SDK2: variants seen among roughly 807,000 people sequenced by gnomAD.
The protein encoded by SDK2 is protein sidekick-2.
SDK2 carries 105 observed loss-of-function variants against 253.9 expected under a neutral mutation model. The observed-to-expected ratio is 0.41, with a 90% CI of 0.35 to 0.49. The LOEUF (loss-of-function observed/expected upper bound fraction) is 0.49, where lower values mean the gene tolerates loss of function less well. Ranked by LOEUF, SDK2 falls within the 20% of genes least tolerant of loss-of-function variation. The pLI is 0.06. For missense variants in SDK2, 2,608 were observed against 3,003.0 expected, an observed-to-expected ratio of 0.87 and a Z score of 3.07; for synonymous variants, 1,249 against 1,234.9, an observed-to-expected ratio of 1.01 and a Z score of -0.24.
intron 1 of SDK2, among the ~76,000 whole-genome samples, chr17:73,582,957 G>A (rs548026747): frequency 2.9e-4 from 44 of 152,202 alleles, no homozygotes; most frequent in Non-Finnish European, 4.7e-4. Flanking sequence ...ACCCTCTAAC[G>A]TGGCAAGTGC....
intron 44 of SDK2, among the ~76,000 whole-genome samples, chr17:73,347,732 T>G (rs1041522166): frequency 6.6e-6 from 1 of 151,956 alleles, no homozygotes; most frequent in Non-Finnish European, 1.5e-5. Context: ...AGGCAGAGGG[T>G]GAGGGTGGGA....
intron 1 of SDK2, among the ~76,000 whole-genome samples, chr17:73,632,063 T>C (rs1048119910): frequency 9.2e-5 from 14 of 151,990 alleles, no homozygotes; most frequent in African/African-American, 3.4e-4. Context: ...AGCAGCAGGG[T>C]CCCCTTGGGA....
intron 33 of SDK2, among the ~76,000 whole-genome samples, chr17:73,382,387 A>G (rs2062838322): frequency 6.6e-6 from 1 of 152,196 alleles, no homozygotes; most frequent in Non-Finnish European, 1.5e-5. Flanking sequence ...GATAGAGGAT[A>G]TTTAGGGAAG....
At chr17:73,484,652 G>C (rs1378299926) in intron 2 of SDK2, among the ~76,000 whole-genome samples, 1 of 152,226 alleles carries the variant, frequency 6.6e-6, no homozygotes, top group Non-Finnish European at 1.5e-5. Flanking sequence ...CCAGGAGTCT[G>C]AGTCAAGCTC....
rs1223531168 is a variant in SDK2, at chr17:73,383,772, G to A, written c.4705+104C>T. 2.9e-5 allele frequency: 42 copies of A among 1,433,074 alleles called. No individual in the cohort carries two copies. The highest frequency in any genetic ancestry group is 3.9e-5 in the Non-Finnish European group (40 of 1,037,880). 88.8% of individuals were successfully genotyped at this position (1,433,074 alleles called of 1,614,324 possible). ...GGCACACATGGAGGAGGGAGGCAAG[G>A]TTTCAGGTTAGAGTGGTTCCAGGAA... On this transcript the variant is annotated intron_variant, in intron 33 of 44. Coordinates refer to ENST00000392650, the MANE Select transcript of SDK2 (RefSeq NM_001144952.2). The surrounding 1 kb of genome is among the most constrained non-coding windows in gnomAD (Gnocchi z 4.3).
In SDK2 at chr17:73,446,664, C is replaced by T. The variant is rs559242935; in HGVS notation, c.613+951G>A. On this transcript the variant is annotated intron_variant, in intron 5 of 44. Transcript: ENST00000392650. ...CTTGCCGCTGGTGGGCAAGTACCAT[C>T]GTGACCAAGGATGATAAATGAGGCT... Among the ~76,000 whole-genome samples, 96 of 152,302 alleles carry T rather than the reference C, an allele frequency of 6.3e-4. 1 individual carries two copies. The highest frequency in any genetic ancestry group is 2.9e-3 in the South Asian group (14 of 4,830).
At chr17:73,403,259 A>T (rs1299286242) in intron 18 of SDK2, among the ~76,000 whole-genome samples, 1 of 152,152 alleles carries the variant, frequency 6.6e-6, no homozygotes, top group East Asian at 1.9e-4. Flanking sequence ...CTTCCTACAG[A>T]GCTGGGAACT....
intron 10 of SDK2, among the ~76,000 whole-genome samples, chr17:73,433,488 C>A (rs1022082595): frequency 6.6e-6 from 1 of 152,112 alleles, no homozygotes; most frequent in Non-Finnish European, 1.5e-5. Flanking sequence ...GGTTTCACCA[C>A]TTTGGGCCAG....
At chr17:73,562,174 T>A (rs1417648911) in intron 1 of SDK2, among the ~76,000 whole-genome samples, 1 of 151,972 alleles carries the variant, frequency 6.6e-6, no homozygotes, top group Non-Finnish European at 1.5e-5. Flanking sequence ...AGGATCCAAG[T>A]CAAAGCAAAA....
At chr17:73,573,640 T>C (rs1422336859) in intron 1 of SDK2, among the ~76,000 whole-genome samples, 2 of 152,344 alleles carry the variant, frequency 1.3e-5, no homozygotes, top group Admixed American at 6.5e-5. Flanking sequence ...CCACCAGCTC[T>C]GGCCTGGACC....
Position 73,423,796 on chromosome 17 carries a change from C to A in SDK2, c.1760+120G>T, listed in dbSNP as rs8070370. ...TGCTGGGGGTATGTCCTGAGCAAAG[C>A]TGAACAGTTCAGGTCACACGTGGCC... On this transcript the variant is annotated intron_variant, in intron 13 of 44. Coordinates refer to ENST00000392650, the MANE Select transcript of SDK2 (RefSeq NM_001144952.2). 0.014 allele frequency: 12,681 copies of A among 896,530 alleles called. 441 individuals are homozygous for A. Among genetic ancestry groups the A allele is most frequent in the African/African-American group, 0.093 (5,481 of 59,166 alleles). 55.5% of individuals were successfully genotyped at this position (896,530 alleles called of 1,614,324 possible). A position where few individuals can be genotyped will look rare whatever the true frequency, so the allele number is the denominator to read the frequency against.
chr17:73,604,623 T>C (rs2045883671), intron 1 of SDK2, among the ~76,000 whole-genome samples: 1 of 152,170 alleles, frequency 6.6e-6, no homozygotes, highest in African/African-American at 2.4e-5. Context: ...GAGACCTTGG[T>C]GACCCAGCAT....
chr17:73,469,984 G>GCA (rs2063633078), intron 3 of SDK2, among the ~76,000 whole-genome samples: 3 of 86,770 alleles, frequency 3.5e-5, no homozygotes, highest in Admixed American at 2.4e-4. Context: ...TTGCGACTGC[G>GCA]CGCGCGCGCA....
intron 1 of SDK2, among the ~76,000 whole-genome samples, chr17:73,544,274 G>A (rs1315172984): frequency 1.3e-5 from 2 of 152,176 alleles, no homozygotes; most frequent in African/African-American, 4.8e-5. Flanking sequence ...AAACCTTCCT[G>A]GACTCCCCAG....
intron 1 of SDK2, among the ~76,000 whole-genome samples, chr17:73,599,640 A>G (rs1349558531): frequency 2.6e-5 from 4 of 152,024 alleles, no homozygotes; most frequent in Non-Finnish European, 5.9e-5. Context: ...AAGGATGAAG[A>G]AGGAGGGAGG....
intron 1 of SDK2, among the ~76,000 whole-genome samples, chr17:73,545,115 A>ACACG (rs1555601172): frequency 1.3e-5 from 2 of 151,760 alleles, no homozygotes; most frequent in Non-Finnish European, 2.9e-5. Flanking sequence ...ACACACACAC[A>ACACG]CACACACACA....
At chr17:73,482,331 AGCAGG>A (rs2063731079) in intron 2 of SDK2, among the ~76,000 whole-genome samples, 1 of 151,626 alleles carries the variant, frequency 6.6e-6, no homozygotes, top group African/African-American at 2.4e-5. Context: ...CATAGGGCTG[AGCAGG>A]GCAGGATACA....
At chr17:73,370,454 G>A (rs1026691461) in intron 36 of SDK2, among the ~76,000 whole-genome samples, 5 of 151,938 alleles carry the variant, frequency 3.3e-5, no homozygotes, top group African/African-American at 9.7e-5. Flanking sequence ...TGTTTCCCAG[G>A]CTGGTCTTGA....
chr17:73,563,798 G>T (rs1459861809), intron 1 of SDK2, among the ~76,000 whole-genome samples: 1 of 151,352 alleles, frequency 6.6e-6, no homozygotes, highest in Non-Finnish European at 1.5e-5. Flanking sequence ...TTTGAGACAG[G>T]GTCTCCCTCT....
Sources: allele counts gnomAD v4.1 joint callset (sites outside exome capture counted in the v4.1 genomes callset), GRCh38; gene constraint gnomAD v4.1.1; non-coding constraint Gnocchi (gnomAD v3.1); transcripts MANE v1.5; gene names NCBI Gene and HGNC (gene_info 2026-07-23, HGNC 2026-07-21).